The following BUB1B variants were observed in gnomAD, a reference collection of about 807,000 sequenced individuals.
The protein encoded by BUB1B is mitotic checkpoint serine/threonine-protein kinase BUB1 beta.
BUB1B carries 86 observed loss-of-function variants against 137.7 expected under a neutral mutation model. The observed-to-expected ratio is 0.62, with a 90% CI of 0.52 to 0.75. The LOEUF (loss-of-function observed/expected upper bound fraction) is 0.75, where lower values mean the gene tolerates loss of function less well. Ranked by LOEUF, BUB1B falls within the 30% of genes least tolerant of loss-of-function variation. BUB1B has a pLI of 0.00. For synonymous variants in BUB1B, 420 were observed against 417.9 expected (o/e 1.00, Z -0.06); for missense variants, 1,130 against 1,236.9 (o/e 0.91, Z 1.30).
intron 2 of BUB1B, among the ~76,000 whole-genome samples, chr15:40,168,762 T>C (rs532183318): frequency 1.3e-5 from 2 of 152,328 alleles, no homozygotes; most frequent in South Asian, 2.1e-4. Flanking sequence ...CTTTATGTTA[T>C]AGCTTAGGGT....
chr15:40,209,902 G>A, intron 17 of BUB1B, 127 bp downstream of exon 17: 1 of 1,213,956 alleles, frequency 8.2e-7, no homozygotes, highest in South Asian at 1.3e-5. Context: ...AAGCAATATA[G>A]AGGATGACAC....
intron 14 of BUB1B, among the ~76,000 whole-genome samples, chr15:40,204,383 C>T (rs2037611075): frequency 6.6e-6 from 1 of 151,116 alleles, no homozygotes; most frequent in African/African-American, 2.4e-5. Context: ...TACAGTGGTT[C>T]TAGATTCAGC....
rs139699123 is a variant in BUB1B at position 40,210,417 on chromosome 15, TCACACAATCACCA to T, written c.2385+220_2385+232del. On this transcript the variant is annotated intron_variant, in intron 18 of 22. Transcript: ENST00000287598. The stretch of plus-strand genomic sequence containing the variant: ...ATCTGGACAAGTTATACATTAGCTT[TCACACAATCACCA>T]CACACAATCACCTTGGAATTTCCAT... Among the ~76,000 whole-genome samples, 379 of 152,312 alleles carry T rather than the reference TCACACAATCACCA, an allele frequency of 2.5e-3. 5 individuals are homozygous for T. The highest frequency in any genetic ancestry group is 2.7e-3 in the Admixed American group (41 of 15,300).
rs560900744 is a variant in BUB1B, at chr15:40,191,860, C to CT, written c.1059-4675dup. On this transcript the variant is annotated intron_variant, in intron 8 of 22. Coordinates refer to ENST00000287598, the MANE Select transcript of BUB1B (RefSeq NM_001211.6). Reference sequence around the variant, plus strand: ...TATCCTTATGTCAATACCACACAGTCTTTTTTTTTTCCCCTACACGATCTC... The same window carrying CT: ...TATCCTTATGTCAATACCACACAGTCTTTTTTTTTTTCCCCTACACGATCTC... Among the ~76,000 whole-genome samples, 926 of 148,442 alleles carry CT rather than the reference C, an allele frequency of 6.2e-3. 4 individuals carry two copies. Among genetic ancestry groups the CT allele is most frequent in the Middle Eastern group, 0.035 (9 of 254 alleles).
In BUB1B at chr15:40,219,820, G is replaced by A. The variant is rs915201009; in HGVS notation, c.2958-744G>A. 2.6e-5 allele frequency among the ~76,000 whole-genome samples: 4 copies of A among 151,998 alleles called. No individual in the cohort carries two copies. In the East Asian group the frequency reaches 7.7e-4, roughly 29 times the overall value. ...ATTCTTTGGTTAAAAAAAAAAATGA[G>A]TGTTGAAGATTTAATGCCCCTTCTC... is the stretch of plus-strand genomic sequence containing the variant. On this transcript the variant is annotated intron_variant, in intron 22 of 22. Coordinates refer to ENST00000287598, the MANE Select transcript of BUB1B (RefSeq NM_001211.6).
intron 8 of BUB1B, among the ~76,000 whole-genome samples, chr15:40,191,302 G>A (rs1357106966): frequency 6.6e-6 from 1 of 152,136 alleles, no homozygotes; most frequent in East Asian, 1.9e-4. Flanking sequence ...CCATGAGTAA[G>A]GGGAAACTAC....
chr15:40,165,717 C>CT (rs1267609175), intron 2 of BUB1B, among the ~76,000 whole-genome samples: 1 of 151,740 alleles, frequency 6.6e-6, no homozygotes, highest in Non-Finnish European at 1.5e-5. Context: ...GATAAATATG[C>CT]TTTTTAAAAA....
Position 40,196,605 on chromosome 15 carries a change from GGAA to G in BUB1B, c.1124_1126del (p.Glu375del). The G allele has an allele frequency of 1.2e-6, 2 of 1,614,030 alleles. No individual in the cohort carries two copies. The highest frequency in any genetic ancestry group is 1.3e-5 in the African/African-American group (1 of 75,032). On this transcript the variant is annotated inframe_deletion, in exon 9 of 23. Transcript: ENST00000287598. ...TCCTAAGCACCAGAAAGCCTGGAAAGGAAGAAGGAGATCCTCTACAAAGGGTTC... is the reference window on the plus strand; with the variant it reads ...TCCTAAGCACCAGAAAGCCTGGAAAGGAAGGAGATCCTCTACAAAGGGTTC...
intron 21 of BUB1B, among the ~76,000 whole-genome samples, chr15:40,217,948 C>T (rs1025492250): frequency 1.3e-5 from 2 of 152,180 alleles, no homozygotes; most frequent in Non-Finnish European, 2.9e-5. Flanking sequence ...TTTCTGTGAT[C>T]TTCTCTGTAA....
chr15:40,213,265 G>T, intron 19 of BUB1B, 67 bp from the exon 20 acceptor site: 3 of 1,556,390 alleles, frequency 1.9e-6, no homozygotes, highest in African/African-American at 1.4e-5. Context: ...CAGTTTTCAA[G>T]GTATTGAGTA....
At chr15:40,192,536 G>T (rs1250364646) in intron 8 of BUB1B, among the ~76,000 whole-genome samples, 2 of 152,064 alleles carry the variant, frequency 1.3e-5, no homozygotes, top group Non-Finnish European at 2.9e-5. Flanking sequence ...AATCCCCTTT[G>T]CTCCATTTGT....
rs139348104 is a variant in BUB1B, at chr15:40,179,319, T to G, written c.581+2646T>G. ...TATTATTTATCCATTCATCAGTTAG[T>G]GAACATTTAGGTTGTTTGCACCTTC... On this transcript the variant is annotated intron_variant, in intron 5 of 22. Coordinates refer to ENST00000287598, the MANE Select transcript of BUB1B (RefSeq NM_001211.6). Among the ~76,000 whole-genome samples the G allele has an allele frequency of 2.1e-3, 321 of 152,280 alleles. 2 individuals are homozygous for G. Among genetic ancestry groups the G allele is most frequent in the African/African-American group, 7.5e-3 (311 of 41,566 alleles).
In BUB1B at chr15:40,164,667, T is replaced by C. The variant is rs111861466; in HGVS notation, c.36-386T>C. ...CTTAAGCCCTATTCATTTTTCTTTT[T>C]TTTTTTTTTTTTAAAGAAAGAGGCA... is the stretch of plus-strand genomic sequence containing the variant. On this transcript the variant is annotated intron_variant, in intron 1 of 22. Coordinates refer to ENST00000287598, the MANE Select transcript of BUB1B (RefSeq NM_001211.6). 6.3e-3 allele frequency among the ~76,000 whole-genome samples: 954 copies of C among 151,286 alleles called. 2 individuals are homozygous for C. The highest frequency in any genetic ancestry group is 8.8e-3 in the Non-Finnish European group (595 of 67,758).
chr15:40,161,345 G>C, intron 1 of BUB1B, 90 bp downstream of exon 1: 1 of 1,460,840 alleles, frequency 6.8e-7, no homozygotes, highest in Non-Finnish European at 9.2e-7. Context: ...AGTCGAGGGG[G>C]AGATCGGCAC....
chr15:40,196,830 C>A (rs2037504972), intron 9 of BUB1B, 56 bp downstream of exon 9: 1 of 1,504,974 alleles, frequency 6.6e-7, no homozygotes. Context: ...GAAGGTTGAG[C>A]TGACCTATTA....
intron 9 of BUB1B, 97 bp downstream of exon 9, chr15:40,196,871 A>G: frequency 9.1e-7 from 1 of 1,098,328 alleles, no homozygotes; most frequent in Non-Finnish European, 1.4e-6. Context: ...TATAGTTTGT[A>G]CCTTTGTATG....
In BUB1B at chr15:40,176,465, C is replaced by G; in HGVS notation, c.385-12C>G. On this transcript the variant is annotated splice_polypyrimidine_tract_variant and intron_variant, in intron 4 of 22. Transcript: ENST00000287598. ...AGTAGAAATTGGTTAACTGTTAACA[C>G]TTCTGTTACAGGGGCGTTTATGCAA... 6.2e-7 allele frequency: 1 copy of G among 1,613,766 alleles called. No individual in the cohort carries two copies. The highest frequency in any genetic ancestry group is 8.5e-7 in the Non-Finnish European group (1 of 1,179,774).
At position 40,221,015 on chromosome 15, in the gene BUB1B, T is replaced by G. The variant is rs1011829021; in HGVS notation, c.*256T>G. 11 of 509,086 alleles carry G rather than the reference T, an allele frequency of 2.2e-5. No individual in the cohort carries two copies. The highest frequency in any genetic ancestry group is 2.1e-4 in the African/African-American group (11 of 52,492). The allele number at this position is 509,086 out of a possible 1,614,324, so 31.5% of individuals were successfully genotyped here. On this transcript the variant is annotated 3_prime_UTR_variant, in exon 23 of 23. Coordinates refer to ENST00000287598, the MANE Select transcript of BUB1B (RefSeq NM_001211.6). ...TCATTACAAATGGTTACCTTGTTAT[T>G]TAACCCATTTGTCTCTACTTTTCCC... is the stretch of plus-strand genomic sequence containing the variant.
intron 3 of BUB1B, 111 bp downstream of exon 3, chr15:40,170,232 C>T (rs1198329863): frequency 9.8e-7 from 1 of 1,017,748 alleles, no homozygotes; most frequent in Admixed American, 1.8e-5. Context: ...ACAGTGGTGT[C>T]CTGGGGGCAC....
Sources: gnomAD v4.1 joint callset for allele counts (sites outside exome capture counted in the v4.1 genomes callset) on GRCh38, gnomAD v4.1.1 for gene constraint, MANE v1.5 for transcripts, NCBI Gene and HGNC (gene_info 2026-07-23, HGNC 2026-07-21) for gene names.